Variants in PDE11A observed in about 807,000 individuals in gnomAD.
PDE11A encodes the protein phosphodiesterase 11A, also known as dual 3',5'-cyclic-AMP and -GMP phosphodiesterase 11A.
PDE11A carries 100 observed loss-of-function variants against 100.5 expected under a neutral mutation model. The ratio of observed to expected loss-of-function variants is 1.00; its 90% CI spans 0.85 to 1.18. The LOEUF (loss-of-function observed/expected upper bound fraction) is 1.18, where lower values mean the gene tolerates loss of function less well. Among genes scored for constraint, PDE11A ranks in the 50% most tolerant of loss-of-function variants. The pLI, the probability that PDE11A is intolerant of heterozygous loss-of-function variation, is 0.00. For missense variants in PDE11A, 1,141 were observed against 1,152.6 expected, an observed-to-expected ratio of 0.99 and a Z score of 0.15; for synonymous variants, 381 against 420.8, an observed-to-expected ratio of 0.91 and a Z score of 1.16.
At chr2:178,022,054 T>C (rs1433854356) in intron 1 of PDE11A, among the ~76,000 whole-genome samples, 1 of 152,072 alleles carries the variant, frequency 6.6e-6, no homozygotes, top group African/African-American at 2.4e-5. Flanking sequence ...GTGGGAGTGA[T>C]ATGACTGAGT....
intron 10 of PDE11A, among the ~76,000 whole-genome samples, chr2:177,747,998 C>A (rs1453173860): frequency 6.6e-6 from 1 of 152,244 alleles, no homozygotes; most frequent in South Asian, 2.1e-4. Context: ...CTTGCCAAGT[C>A]CCCTTTCAAT....
chr2:177,895,511 G>A lies in PDE11A; in HGVS notation c.1302+2547C>T, dbSNP rs551538460. 1.9e-3 allele frequency among the ~76,000 whole-genome samples: 283 copies of A among 150,108 alleles called. 3 individuals are homozygous for A. Among genetic ancestry groups the A allele is most frequent in the African/African-American group, 6.7e-3 (271 of 40,672 alleles). On this transcript the variant is annotated intron_variant, in intron 4 of 19. Transcript: ENST00000286063. ...GGAGGTTTCAGTGAGCTGAGATCGC[G>A]CCATTGCACTCCAGCCTGGGGGACA...
At chr2:177,852,959 C>G (rs2083740982) in intron 5 of PDE11A, among the ~76,000 whole-genome samples, 1 of 152,190 alleles carries the variant, frequency 6.6e-6, no homozygotes, top group African/African-American at 2.4e-5. Flanking sequence ...CATTTTCTAT[C>G]TTTTATTTCC....
At chr2:177,815,629 C>T (rs2083025634) in intron 9 of PDE11A, among the ~76,000 whole-genome samples, 1 of 152,114 alleles carries the variant, frequency 6.6e-6, no homozygotes, top group African/African-American at 2.4e-5. Context: ...AAGCACCCTG[C>T]TAGGCATTGC....
chr2:177,799,859 G>A (rs894692295), intron 9 of PDE11A, among the ~76,000 whole-genome samples: 2 of 152,096 alleles, frequency 1.3e-5, no homozygotes, highest in South Asian at 2.1e-4. Context: ...TGAAGTATTC[G>A]CTTTCATCTT....
Position 177,980,336 on chromosome 2 carries a change from C to A in PDE11A, c.1071+33966G>T, listed in dbSNP as rs1010409059. On this transcript the variant is annotated intron_variant, in intron 2 of 19. Coordinates refer to ENST00000286063, the MANE Select transcript of PDE11A (RefSeq NM_016953.4). The stretch of plus-strand genomic sequence containing the variant: ...CTGTATTGTGTAACTATTGGTCTAA[C>A]CGTAATTCTTTTTTAACTGCATCAA... Among the ~76,000 whole-genome samples the A allele has an allele frequency of 2.0e-4, 30 of 150,882 alleles. 2 individuals are homozygous for A. Among genetic ancestry groups the A allele is most frequent in the Non-Finnish European group, 4.5e-5 (3 of 67,336 alleles).
chr2:177,912,484 C>T (rs1416241803), intron 2 of PDE11A, among the ~76,000 whole-genome samples: 1 of 152,168 alleles, frequency 6.6e-6, no homozygotes, highest in African/African-American at 2.4e-5. Flanking sequence ...TTGAATCATG[C>T]AGGTACTACT....
intron 4 of PDE11A, among the ~76,000 whole-genome samples, chr2:177,876,664 A>C (rs553763335): frequency 6.7e-6 from 1 of 148,474 alleles, no homozygotes; most frequent in South Asian, 2.1e-4. Context: ...TACTCAGTCT[A>C]TAGATGAGGA....
At chr2:178,104,747 A>C (rs2087598878) in intron 1 of PDE11A, among the ~76,000 whole-genome samples, 1 of 152,208 alleles carries the variant, frequency 6.6e-6, no homozygotes, top group South Asian at 2.1e-4. Flanking sequence ...TATTGGTATC[A>C]AACGGGTTTT....
intron 7 of PDE11A, among the ~76,000 whole-genome samples, chr2:177,818,986 T>C (rs1412946510): frequency 6.6e-6 from 1 of 151,988 alleles, no homozygotes; most frequent in African/African-American, 2.4e-5. Context: ...CACAAAACTA[T>C]TAGCATGTAA....
rs867938503 is a variant in PDE11A, at chr2:177,712,342, C to T, written c.2044-464G>A. Among the ~76,000 whole-genome samples the T allele has an allele frequency of 8.9e-3, 1,247 of 139,792 alleles. 11 individuals are homozygous for T. Among genetic ancestry groups the T allele is most frequent in the African/African-American group, 0.026 (1,000 of 37,804 alleles). The allele number at this position is 139,792 out of a possible 152,430, so 91.7% of individuals were successfully genotyped here. A position where few individuals can be genotyped will look rare whatever the true frequency, so the allele number is the denominator to read the frequency against. ...CAGGCAGAAGGAGAACACAACCCTTCTTTTTTTTTTTTTTTTTAACATTAA... is the reference window on the plus strand; with the variant it reads ...CAGGCAGAAGGAGAACACAACCCTTTTTTTTTTTTTTTTTTTTAACATTAA... On this transcript the variant is annotated intron_variant, in intron 12 of 19. Transcript: ENST00000286063.
chr2:177,851,844 C>A (rs1473142865), intron 5 of PDE11A, among the ~76,000 whole-genome samples: 1 of 152,040 alleles, frequency 6.6e-6, no homozygotes, highest in African/African-American at 2.4e-5. Context: ...TATTTCATCA[C>A]CCAGGTATTA....
chr2:177,737,577 G>T (rs975060995), intron 10 of PDE11A, among the ~76,000 whole-genome samples: 7 of 129,272 alleles, frequency 5.4e-5, no homozygotes, highest in African/African-American at 1.8e-4. Context: ...CTCCAGCCTG[G>T]GCGACTCTGT....
At chr2:177,853,662 ATATATATATATATATATATGTGTGTGTG>A (rs1176041943) in intron 5 of PDE11A, among the ~76,000 whole-genome samples, 6 of 31,280 alleles carry the variant, frequency 1.9e-4, no homozygotes, top group Non-Finnish European at 2.6e-4. Context: ...ATATATATAT[ATATATATATATATATATATGTGTGTGTG>A]TGTGTGTGTG....
At chr2:177,849,794 A>AC (rs1222737989) in intron 5 of PDE11A, among the ~76,000 whole-genome samples, 1 of 150,812 alleles carries the variant, frequency 6.6e-6, no homozygotes, top group African/African-American at 2.4e-5. Flanking sequence ...CATCTCAAAA[A>AC]AAAAACAAAA....
chr2:177,958,057 A>G (rs2085588502), intron 2 of PDE11A, among the ~76,000 whole-genome samples: 1 of 151,676 alleles, frequency 6.6e-6, no homozygotes, highest in Admixed American at 6.6e-5. Context: ...TGCCCTGCTA[A>G]TTTTTGTATT....
chr2:178,102,361 G>A (rs1237864379), intron 2 of PDE11A, among the ~76,000 whole-genome samples: 1 of 150,576 alleles, frequency 6.6e-6, no homozygotes, highest in Non-Finnish European at 1.5e-5. Context: ...TCCTGACCTC[G>A]TGATCTGCCA....
At chr2:177,704,139 T>C (rs2081241995) in intron 13 of PDE11A, among the ~76,000 whole-genome samples, 1 of 152,150 alleles carries the variant, frequency 6.6e-6, no homozygotes, top group South Asian at 2.1e-4. Context: ...CCAATAAGCA[T>C]TGATAACTAT....
chr2:177,882,872 C>T (rs1335613766), intron 4 of PDE11A, among the ~76,000 whole-genome samples: 8 of 152,062 alleles, frequency 5.3e-5, no homozygotes, highest in South Asian at 4.1e-4. Flanking sequence ...ATAGATATTC[C>T]GGGCACCAAA....
Sources: gnomAD v4.1 joint callset for allele counts (sites outside exome capture counted in the v4.1 genomes callset) on GRCh38, gnomAD v4.1.1 for gene constraint, MANE v1.5 for transcripts, NCBI Gene and HGNC (gene_info 2026-07-23, HGNC 2026-07-21) for gene names.